Variants in PDZD8 observed in about 807,000 individuals in gnomAD.
The protein encoded by PDZD8 is PDZ domain containing 8, also known as PDZ domain-containing protein 8.
A neutral mutation model predicts 85.8 loss-of-function variants in PDZD8; 14 were observed. That is an observed-to-expected ratio of 0.16 (90% CI 0.11 to 0.26). The LOEUF is 0.26. Ranked by LOEUF, PDZD8 falls within the 10% of genes least tolerant of loss-of-function variation. The pLI, the probability that PDZD8 is intolerant of heterozygous loss-of-function variation, is 1.00. For missense variants in PDZD8, 1,197 were observed against 1,424.3 expected (o/e 0.84, Z 2.57); for synonymous variants, 592 against 568.6 (o/e 1.04, Z -0.59).
rs766651698 is a variant in PDZD8, at chr10:117,374,819, C to T, written c.409G>A (p.Gly137Arg). Residue 137 changes from glycine to arginine, a missense_variant, in exon 1 of 5, where the codon GGG becomes AGG. Gly to Arg is a moderately radical substitution (Grantham distance 125). This residue lies in a region of PDZD8 where 344 missense variants were observed against 453.6 expected (regional missense o/e 0.76). Coordinates refer to ENST00000334464, the MANE Select transcript of PDZD8 (RefSeq NM_173791.5). The surrounding 1 kb of genome is among the most constrained non-coding windows in gnomAD (Gnocchi z 7.8). ...AGGCTCAGCCCCTCCAGCAGGCGCC[C>T]GGCCGTCTTGGTCTGCAGCAGCTCC... ...FEELLQTKTAGRLLEGLSLRD... is the reference protein window; with the variant it reads ...FEELLQTKTARRLLEGLSLRD... 152 of 1,613,306 alleles carry T rather than the reference C, an allele frequency of 9.4e-5. No homozygotes were observed. Among genetic ancestry groups the T allele is most frequent in the Non-Finnish European group, 1.2e-4 (143 of 1,179,924 alleles).
rs1364461838 is a variant in PDZD8, at chr10:117,283,627, G to A, written c.3106C>T (p.Leu1036=). 6.2e-7 allele frequency: 1 copy of A among 1,614,158 alleles called. No homozygotes were observed. The highest frequency in any genetic ancestry group is 8.5e-7 in the Non-Finnish European group (1 of 1,180,038). ...TGTAGCTTATCCAACATGAACTCTA[G>A]TTTCTGGATCCTTTCCTCTGTAGGC... ...GLPTEERIQK[L]EFMLDKLQNE... Residue 1036 remains leucine, a synonymous_variant, in exon 5 of 5, where the codon CTA becomes TTA. Transcript: ENST00000334464.
chr10:117,333,137 A>AAAAAC (rs1564703085), intron 2 of PDZD8, among the ~76,000 whole-genome samples: 7 of 149,110 alleles, frequency 4.7e-5, no homozygotes, highest in African/African-American at 1.7e-4. Context: ...AAAAAAAAAA[A>AAAAAC]AAAAAAGGGG....
chr10:117,370,590 C>T (rs1845171454), intron 1 of PDZD8, among the ~76,000 whole-genome samples: 1 of 152,118 alleles, frequency 6.6e-6, no homozygotes, highest in Non-Finnish European at 1.5e-5. Flanking sequence ...ACATGTAACC[C>T]CAGCACTTTG....
At position 117,279,473 on chromosome 10, in the gene PDZD8, G is replaced by T. The variant is rs1844548321; in HGVS notation, c.*3795C>A. ...TTCCTTTATAAACCAAATGTTGTTG[G>T]AATAAAATACATAAGGTATCATTTT... is the stretch of plus-strand genomic sequence containing the variant. On this transcript the variant is annotated 3_prime_UTR_variant, in exon 5 of 5. Coordinates refer to ENST00000334464, the MANE Select transcript of PDZD8 (RefSeq NM_173791.5). 1 of 152,100 alleles carries T rather than the reference G, an allele frequency of 6.6e-6. No individual in the cohort carries two copies. Among genetic ancestry groups the T allele is most frequent in the South Asian group, 2.1e-4 (1 of 4,824 alleles). The allele number at this position is 152,100 out of a possible 1,614,324, so 9.4% of individuals were successfully genotyped here. A position where few individuals can be genotyped will look rare whatever the true frequency, so the allele number is the denominator to read the frequency against.
chr10:117,293,909 ACC>A (rs1843708650), intron 3 of PDZD8, among the ~76,000 whole-genome samples: 1 of 152,076 alleles, frequency 6.6e-6, no homozygotes, highest in Non-Finnish European at 1.5e-5. Flanking sequence ...AACTAGGAAA[ACC>A]CCAAATATCT....
rs1287581350 is a variant in PDZD8, at chr10:117,280,509, CTTTA to C, written c.*2755_*2758del. On this transcript the variant is annotated 3_prime_UTR_variant, in exon 5 of 5. Transcript: ENST00000334464. ...AGATATTCTTGTTTTCTGTGGTAGT[CTTTA>C]TTATTATTTTTTAGCTATTGATACA... 1.3e-5 allele frequency: 2 copies of C among 152,118 alleles called. No homozygotes were observed. Among genetic ancestry groups the C allele is most frequent in the South Asian group, 2.1e-4 (1 of 4,810 alleles). 9.4% of individuals were successfully genotyped at this position (152,118 alleles called of 1,614,324 possible). A position where few individuals can be genotyped will look rare whatever the true frequency, so the allele number is the denominator to read the frequency against.
At chr10:117,361,089 T>A (rs543293728) in intron 1 of PDZD8, among the ~76,000 whole-genome samples, 7 of 152,192 alleles carry the variant, frequency 4.6e-5, no homozygotes, top group Non-Finnish European at 8.8e-5. Flanking sequence ...TCACCATATA[T>A]TTGCGAGAGA....
intron 3 of PDZD8, among the ~76,000 whole-genome samples, chr10:117,299,478 A>C (rs1843810593): frequency 6.6e-6 from 1 of 152,150 alleles, no homozygotes; most frequent in South Asian, 2.1e-4. Flanking sequence ...ATTCAACATA[A>C]TCCCAAATTT....
At chr10:117,312,160 G>A (rs1054642585) in intron 3 of PDZD8, among the ~76,000 whole-genome samples, 2 of 152,072 alleles carry the variant, frequency 1.3e-5, no homozygotes, top group African/African-American at 4.8e-5. Flanking sequence ...AGCAGAGATC[G>A]GATGAATGGG....
intron 4 of PDZD8, chr10:117,285,685 G>A: frequency 8.3e-7 from 1 of 1,198,450 alleles, no homozygotes. Context: ...ATATCCTGGA[G>A]ATGTTTACCT....
intron 3 of PDZD8, among the ~76,000 whole-genome samples, chr10:117,309,532 T>C (rs1355691346): frequency 6.6e-6 from 1 of 152,018 alleles, no homozygotes; most frequent in African/African-American, 2.4e-5. Flanking sequence ...TCCCTCCTCA[T>C]AGCTCATCTT....
chr10:117,353,405 A>G (rs1005932631), intron 1 of PDZD8, among the ~76,000 whole-genome samples: 2 of 152,148 alleles, frequency 1.3e-5, no homozygotes, highest in Non-Finnish European at 2.9e-5. Flanking sequence ...TAGTCACAAT[A>G]TTTCAGAAGG....
At chr10:117,366,592 TACCACCACC>T (rs140867417) in intron 1 of PDZD8, among the ~76,000 whole-genome samples, 1 of 150,556 alleles carries the variant, frequency 6.6e-6, no homozygotes, top group African/African-American at 2.5e-5. Flanking sequence ...TCACCACCAT[TACCACCACC>T]ACCACCACCA....
chr10:117,282,379 T>A lies in PDZD8; in HGVS notation c.*889A>T, dbSNP rs363240. ...TATCATAAATGTTTAAACTTTTAAT[T>A]ATAAAATTTAAATTTCCATTTAAAA... On this transcript the variant is annotated 3_prime_UTR_variant, in exon 5 of 5. Coordinates refer to ENST00000334464, the MANE Select transcript of PDZD8 (RefSeq NM_173791.5). 6.6e-6 allele frequency: 1 copy of A among 152,014 alleles called. No homozygotes were observed. Among genetic ancestry groups the A allele is most frequent in the African/African-American group, 2.4e-5 (1 of 41,358 alleles). 9.4% of individuals were successfully genotyped at this position (152,014 alleles called of 1,614,324 possible).
At chr10:117,303,756 C>T (rs926622932) in intron 3 of PDZD8, among the ~76,000 whole-genome samples, 2 of 152,248 alleles carry the variant, frequency 1.3e-5, no homozygotes, top group East Asian at 3.9e-4. Flanking sequence ...AAGAGGCCAA[C>T]GTATAGCTTG....
chr10:117,293,567 C>T (rs530618181), intron 3 of PDZD8, among the ~76,000 whole-genome samples: 3 of 152,130 alleles, frequency 2.0e-5, no homozygotes, highest in East Asian at 3.9e-4. Flanking sequence ...GTAACAAATT[C>T]CTCCTATCCT....
rs776046688 is a variant in PDZD8, at chr10:117,284,536, T to G, written c.2197A>C (p.Ser733Arg). The part of the protein sequence containing the change: ...LGGLICLGHV[S>R]LKLEDVALGC... ...AAAGCCACATCTTCAAGTTTTAAAC[T>G]AACATGCCCCAAACAGATGAGACCT... Residue 733 changes from serine (S) to arginine (R), a missense_variant, in exon 5 of 5, where the codon AGT becomes CGT. Ser to Arg is a moderately radical substitution (Grantham distance 110, BLOSUM62 -1). Transcript: ENST00000334464. 5.0e-6 allele frequency: 8 copies of G among 1,614,138 alleles called. No homozygotes were observed. The highest frequency in any genetic ancestry group is 6.8e-6 in the Non-Finnish European group (8 of 1,180,024).
Position 117,290,334 on chromosome 10 carries a change from TTTTA to T in PDZD8, c.1109_1112del (p.Ile370LysfsTer52). ...TAAGTCCAACACTTTGTAAATTTCC[TTTTA>T]TTAATTCAACCTTTGATAAAGGGGA... On this transcript the variant is annotated frameshift_variant, in exon 4 of 5. Transcript: ENST00000334464. LOFTEE classifies it high-confidence loss of function. The T allele has an allele frequency of 6.3e-7, 1 of 1,599,876 alleles. No homozygotes were observed. The highest frequency in any genetic ancestry group is 8.5e-7 in the Non-Finnish European group (1 of 1,173,832).
At chr10:117,311,791 C>T (rs1055644652) in intron 3 of PDZD8, among the ~76,000 whole-genome samples, 6 of 151,874 alleles carry the variant, frequency 4.0e-5, no homozygotes, top group Non-Finnish European at 7.4e-5. Flanking sequence ...ATATGAGTAA[C>T]AGTTCTAAGA....
Sources: gnomAD v4.1 joint callset for allele counts (sites outside exome capture counted in the v4.1 genomes callset) on GRCh38, gnomAD v4.1.1 for gene constraint, gnomAD v4.1.1 regional missense constraint, Gnocchi (gnomAD v3.1) non-coding constraint, MANE v1.5 for transcripts, NCBI Gene and HGNC (gene_info 2026-07-23, HGNC 2026-07-21) for gene names.